The following CNTNAP5 variants were observed in gnomAD, a reference collection of about 807,000 sequenced individuals.
CNTNAP5 encodes the protein contactin associated protein family member 5.
CNTNAP5 carries 72 observed loss-of-function variants against 150.2 expected under a neutral mutation model. The ratio of observed to expected loss-of-function variants is 0.48; its 90% CI spans 0.40 to 0.58. The LOEUF (loss-of-function observed/expected upper bound fraction) is 0.58. Among genes scored for constraint, CNTNAP5 ranks in the 20% least tolerant of loss-of-function variants. The probability of loss-of-function intolerance (pLI) is 0.00; values close to 1 mark genes in which losing one functional copy is unlikely to be tolerated. For missense variants in CNTNAP5, 1,636 were observed against 1,626.2 expected (o/e 1.01, Z -0.10); for synonymous variants, 672 against 619.8 (o/e 1.08, Z -1.25).
At chr2:124,772,753 A>T in intron 16 of CNTNAP5, 46 bp from the exon 17 acceptor site, 1 of 1,469,670 alleles carries the variant, frequency 6.8e-7, no homozygotes, top group Non-Finnish European at 9.5e-7. Flanking sequence ...GCCTTGAATG[A>T]GCTAACAACT....
chr2:124,372,761 T>C (rs573630910), intron 3 of CNTNAP5, among the ~76,000 whole-genome samples: 1 of 152,094 alleles, frequency 6.6e-6, no homozygotes, highest in East Asian at 1.9e-4. Flanking sequence ...TGACTCAGGG[T>C]TCCTGTTATT....
chr2:124,169,401 A>G (rs1374956163), intron 1 of CNTNAP5, among the ~76,000 whole-genome samples: 1 of 152,202 alleles, frequency 6.6e-6, no homozygotes, highest in Non-Finnish European at 1.5e-5. Flanking sequence ...ATGATGAAGA[A>G]ACACAATAAA....
intron 3 of CNTNAP5, among the ~76,000 whole-genome samples, chr2:124,289,803 A>G (rs2104632525): frequency 6.6e-6 from 1 of 152,290 alleles, no homozygotes; most frequent in African/African-American, 2.4e-5. Context: ...CTTTGCCTCT[A>G]CAGCATTGCC....
At chr2:124,663,240 C>T (rs1420018514) in intron 13 of CNTNAP5, among the ~76,000 whole-genome samples, 1 of 152,160 alleles carries the variant, frequency 6.6e-6, no homozygotes, top group African/African-American at 2.4e-5. Flanking sequence ...CTTAAATCAG[C>T]CATGTCGCCA....
intron 3 of CNTNAP5, among the ~76,000 whole-genome samples, chr2:124,317,791 A>T (rs1171505938): frequency 1.3e-5 from 2 of 152,160 alleles, no homozygotes; most frequent in Non-Finnish European, 2.9e-5. Flanking sequence ...ACAAACAGAC[A>T]CACACCATAC....
Position 124,504,278 on chromosome 2 carries a change from T to C in CNTNAP5, c.1063-14T>C, listed in dbSNP as rs192600965. On this transcript the variant is annotated splice_polypyrimidine_tract_variant and intron_variant, in intron 7 of 23. Coordinates refer to ENST00000682447, the MANE Select transcript of CNTNAP5 (RefSeq NM_001367498.1). ...AAAATGGCTTTTATATGTTTGACTTTTATTGTTTTCCAGGGCAATGTCACT... is the reference window on the plus strand; with the variant it reads ...AAAATGGCTTTTATATGTTTGACTTCTATTGTTTTCCAGGGCAATGTCACT... The C allele has an allele frequency of 1.9e-6, 3 of 1,607,714 alleles. No homozygotes were observed. The highest frequency in any genetic ancestry group is 8.5e-7 in the Non-Finnish European group (1 of 1,174,802).
chr2:124,295,468 G>T (rs1688401482), intron 3 of CNTNAP5, among the ~76,000 whole-genome samples: 1 of 151,600 alleles, frequency 6.6e-6, no homozygotes, highest in Admixed American at 6.6e-5. Context: ...TTGTCCTTAT[G>T]GCAGTGGTTA....
rs931069888 is a variant in CNTNAP5 at position 124,916,413 on chromosome 2, C to A, written c.*2125C>A. On this transcript the variant is annotated 3_prime_UTR_variant, in exon 24 of 24. Transcript: ENST00000682447. ...TCCATAAAAAGGCTATATAAATCAG[C>A]CTTTTGCTTGGCTATATATTCCTTT... 6.6e-6 allele frequency among the ~76,000 whole-genome samples: 1 copy of A among 151,972 alleles called. No individual in the cohort carries two copies. Among genetic ancestry groups the A allele is most frequent in the Non-Finnish European group, 1.5e-5 (1 of 67,966 alleles).
intron 11 of CNTNAP5, among the ~76,000 whole-genome samples, chr2:124,599,107 C>T (rs999791292): frequency 6.6e-6 from 1 of 152,108 alleles, no homozygotes; most frequent in South Asian, 2.1e-4. Context: ...CCGTCTTCTG[C>T]GTCGCTCACG....
rs138857798 is a variant in CNTNAP5 at position 124,655,923 on chromosome 2, AAGAGAG to A, written c.2077+7985_2077+7990del. 9.5e-4 allele frequency among the ~76,000 whole-genome samples: 101 copies of A among 105,980 alleles called. 4 individuals carry two copies. The highest frequency in any genetic ancestry group is 1.0e-3 in the African/African-American group (28 of 27,198). The allele number at this position is 105,980 out of a possible 152,430, so 69.5% of individuals were successfully genotyped here. A position where few individuals can be genotyped will look rare whatever the true frequency, so the allele number is the denominator to read the frequency against. The stretch of plus-strand genomic sequence containing the variant: ...TGGAAAGAAAAGAAAGAAAGACAGA[AAGAGAG>A]AGAGAGAGAGAGAGAGAGAAAGAAA... On this transcript the variant is annotated intron_variant, in intron 13 of 23. Transcript: ENST00000682447.
chr2:124,057,059 T>A (rs895193764), intron 1 of CNTNAP5, among the ~76,000 whole-genome samples: 1 of 152,142 alleles, frequency 6.6e-6, no homozygotes, highest in African/African-American at 2.4e-5. Flanking sequence ...TCAATGGCCA[T>A]GTCCAATACT....
At chr2:124,387,521 T>C (rs1690960981) in intron 3 of CNTNAP5, among the ~76,000 whole-genome samples, 1 of 152,170 alleles carries the variant, frequency 6.6e-6, no homozygotes, top group African/African-American at 2.4e-5. Flanking sequence ...GGCGGTGAAG[T>C]TAAGAGCAAT....
intron 21 of CNTNAP5, among the ~76,000 whole-genome samples, chr2:124,874,070 T>C (rs1441503949): frequency 6.6e-6 from 1 of 152,092 alleles, no homozygotes; most frequent in East Asian, 1.9e-4. Context: ...CCCCATGATG[T>C]AGATACTGGC....
At chr2:124,237,922 A>G (rs1686793134) in intron 2 of CNTNAP5, among the ~76,000 whole-genome samples, 1 of 152,158 alleles carries the variant, frequency 6.6e-6, no homozygotes, top group Non-Finnish European at 1.5e-5. Flanking sequence ...CTTTCTTAAG[A>G]TGTTGGTTCC....
At chr2:124,070,738 A>G (rs754102080) in intron 1 of CNTNAP5, among the ~76,000 whole-genome samples, 4 of 152,070 alleles carry the variant, frequency 2.6e-5, no homozygotes, top group Non-Finnish European at 4.4e-5. Flanking sequence ...ATAGACTTCA[A>G]TACAATAAGA....
intron 12 of CNTNAP5, among the ~76,000 whole-genome samples, chr2:124,629,816 C>A (rs1205349193): frequency 1.2e-3 from 165 of 140,592 alleles, no homozygotes; most frequent in African/African-American, 4.0e-3. Context: ...AGATAGACTG[C>A]TAGCAAGACT....
At chr2:124,454,646 A>AT (rs1558909853) in intron 6 of CNTNAP5, among the ~76,000 whole-genome samples, 3 of 152,156 alleles carry the variant, frequency 2.0e-5, no homozygotes, top group Non-Finnish European at 4.4e-5. Context: ...GTAGGCCACA[A>AT]AATGAACCTC....
At chr2:124,733,028 C>T (rs959768450) in intron 13 of CNTNAP5, among the ~76,000 whole-genome samples, 1 of 152,106 alleles carries the variant, frequency 6.6e-6, no homozygotes, top group Non-Finnish European at 1.5e-5. Context: ...ATTAGCAATG[C>T]AACATTTACT....
intron 8 of CNTNAP5, among the ~76,000 whole-genome samples, chr2:124,518,994 C>CAAAAA (rs35578704): frequency 1.7e-4 from 8 of 48,080 alleles, no homozygotes; most frequent in Non-Finnish European, 3.1e-4. Context: ...GCCTGGGCCG[C>CAAAAA]AAAAAAAAAA....
Sources: allele counts gnomAD v4.1 joint callset (sites outside exome capture counted in the v4.1 genomes callset), GRCh38; gene constraint gnomAD v4.1.1; transcripts MANE v1.5; gene names NCBI Gene and HGNC (gene_info 2026-07-23, HGNC 2026-07-21).